The following RPS6KA5 variants were observed in gnomAD, a reference collection of about 807,000 sequenced individuals.
RPS6KA5 encodes the protein ribosomal protein S6 kinase A5.
In RPS6KA5, 27 loss-of-function variants were observed where a neutral mutation model predicts 85.5. The ratio of observed to expected loss-of-function variants is 0.32; its 90% CI spans 0.23 to 0.44. The LOEUF is 0.44. Among genes scored for constraint, RPS6KA5 ranks in the 20% least tolerant of loss-of-function variants. The pLI is 1.00. For missense variants in RPS6KA5, 811 were observed against 980.9 expected (o/e 0.83, Z 2.31); for synonymous variants, 334 against 348.2 (o/e 0.96, Z 0.46).
intron 2 of RPS6KA5, among the ~76,000 whole-genome samples, chr14:90,994,738 A>AC (rs2040447132): frequency 6.7e-6 from 1 of 149,862 alleles, no homozygotes; most frequent in African/African-American, 2.5e-5. Flanking sequence ...TGCCCGGCTA[A>AC]TTTTTTTTTG....
intron 3 of RPS6KA5, among the ~76,000 whole-genome samples, chr14:90,952,814 ATAAC>A (rs2038276657): frequency 6.6e-6 from 1 of 152,254 alleles, no homozygotes; most frequent in Admixed American, 6.5e-5. Context: ...ATCCTTGGAC[ATAAC>A]TAAATTAAAG....
intron 5 of RPS6KA5, among the ~76,000 whole-genome samples, chr14:90,933,916 CTCCT>C (rs1234148314): frequency 1.3e-5 from 2 of 152,186 alleles, no homozygotes; most frequent in African/African-American, 2.4e-5. Flanking sequence ...ACCTAGAAAT[CTCCT>C]TCCTGAGATA....
chr14:90,871,938 T>G lies in RPS6KA5; in HGVS notation c.*136A>C. 1 of 1,167,466 alleles carries G rather than the reference T, an allele frequency of 8.6e-7. No homozygotes were observed. The highest frequency in any genetic ancestry group is 1.2e-6 in the Non-Finnish European group (1 of 826,360). The allele number at this position is 1,167,466 out of a possible 1,614,324, so 72.3% of individuals were successfully genotyped here. ...TTTTGAATGAGGATAACCAAACAGG[T>G]TTTCCTGAAAAAAATCATTAGGAGG... On this transcript the variant is annotated 3_prime_UTR_variant, in exon 17 of 17. Transcript: ENST00000614987.
rs529927870 is a variant in RPS6KA5, at chr14:90,853,723, T to A, written c.*18351A>T. On this transcript the variant is annotated 3_prime_UTR_variant, in exon 17 of 17. Transcript: ENST00000614987. ...AACACTATGAAGTCTCTATATTAAA[T>A]CAAAATCGTAACCATCTTGAAAGCT... is the stretch of plus-strand genomic sequence containing the variant. 1.4e-5 allele frequency: 2 copies of A among 148,142 alleles called. No individual in the cohort carries two copies. The highest frequency in any genetic ancestry group is 4.3e-4 in the South Asian group (2 of 4,654). 9.2% of individuals were successfully genotyped at this position (148,142 alleles called of 1,614,324 possible).
intron 5 of RPS6KA5, among the ~76,000 whole-genome samples, chr14:90,937,232 T>C (rs151038897): frequency 1.1e-4 from 16 of 152,068 alleles, no homozygotes; most frequent in African/African-American, 3.6e-4. Flanking sequence ...AATATGCACG[T>C]CAATGGTAAC....
At chr14:90,896,192 G>C (rs2034825925) in intron 12 of RPS6KA5, among the ~76,000 whole-genome samples, 1 of 152,184 alleles carries the variant, frequency 6.6e-6, no homozygotes, top group Non-Finnish European at 1.5e-5. Context: ...AGATAAAGTT[G>C]AGCTTGCAGG....
intron 3 of RPS6KA5, among the ~76,000 whole-genome samples, chr14:90,951,574 T>C (rs1317756868): frequency 1.3e-5 from 2 of 152,182 alleles, no homozygotes; most frequent in Non-Finnish European, 2.9e-5. Context: ...CTGTGTTAAC[T>C]TACATGCAGT....
At chr14:90,915,889 G>A (rs1024682771) in intron 7 of RPS6KA5, among the ~76,000 whole-genome samples, 4 of 151,766 alleles carry the variant, frequency 2.6e-5, no homozygotes, top group African/African-American at 9.7e-5. Context: ...ACATGTACAT[G>A]TATTTTAAAA....
chr14:90,958,283 A>C (rs2038627259), intron 3 of RPS6KA5, among the ~76,000 whole-genome samples: 2 of 152,230 alleles, frequency 1.3e-5, no homozygotes, highest in Admixed American at 1.3e-4. Flanking sequence ...AAAATTTTGC[A>C]TCCATAGTTC....
intron 1 of RPS6KA5, among the ~76,000 whole-genome samples, chr14:91,007,924 A>G (rs868572516): frequency 1.2e-4 from 19 of 152,320 alleles, no homozygotes; most frequent in Middle Eastern, 3.4e-3. Context: ...CCCAACACTC[A>G]AAGGTAACTA....
chr14:90,930,309 A>C (rs1244909025), intron 5 of RPS6KA5, among the ~76,000 whole-genome samples: 1 of 152,228 alleles, frequency 6.6e-6, no homozygotes, highest in African/African-American at 2.4e-5. Context: ...ATTTCGAATA[A>C]GAAGAGAAAA....
At chr14:90,967,798 C>T (rs979260501) in intron 3 of RPS6KA5, among the ~76,000 whole-genome samples, 1 of 152,196 alleles carries the variant, frequency 6.6e-6, no homozygotes, top group Non-Finnish European at 1.5e-5. Flanking sequence ...AAAAATAACA[C>T]AGAAATCACA....
intron 13 of RPS6KA5, among the ~76,000 whole-genome samples, chr14:90,893,358 G>A (rs1326146855): frequency 6.6e-6 from 1 of 152,182 alleles, no homozygotes; most frequent in African/African-American, 2.4e-5. Context: ...TACTAGTACT[G>A]TGAATAATGG....
chr14:91,060,024 G>A (rs549017272), intron 1 of RPS6KA5: 8 of 985,102 alleles, frequency 8.1e-6, no homozygotes, highest in South Asian at 4.7e-5. Context: ...TCACCTGTGC[G>A]GGAAGGGGGA....
intron 1 of RPS6KA5, among the ~76,000 whole-genome samples, chr14:91,029,107 A>G (rs2042091130): frequency 6.6e-6 from 1 of 152,236 alleles, no homozygotes; most frequent in Non-Finnish European, 1.5e-5. Flanking sequence ...AACATTAAAA[A>G]ATTCAAGGAC....
At position 90,863,302 on chromosome 14, in the gene RPS6KA5, C is replaced by CAAAAAAAAAAAAAAA. The variant is rs61230626; in HGVS notation, c.*8757_*8771dup. 1.4e-3 allele frequency: 34 copies of CAAAAAAAAAAAAAAA among 24,796 alleles called. No individual in the cohort carries two copies. Among genetic ancestry groups the CAAAAAAAAAAAAAAA allele is most frequent in the Non-Finnish European group, 2.4e-3 (27 of 11,456 alleles). The allele number at this position is 24,796 out of a possible 1,614,324, so 1.5% of individuals were successfully genotyped here. ...TGGGTGGCAGAGCGAGACTCCGTCT[C>CAAAAAAAAAAAAAAA]AAAAAAAAAAAAAAAAAAAAAAAAA... On this transcript the variant is annotated 3_prime_UTR_variant, in exon 17 of 17. Transcript: ENST00000614987.
chr14:91,051,207 C>A (rs1018669410), intron 1 of RPS6KA5, among the ~76,000 whole-genome samples: 2 of 151,756 alleles, frequency 1.3e-5, no homozygotes, highest in Admixed American at 1.3e-4. Flanking sequence ...CCATTGCACT[C>A]CAGCCTGAGC....
chr14:91,007,704 A>AT (rs2041082608), intron 1 of RPS6KA5, among the ~76,000 whole-genome samples: 2 of 118,034 alleles, frequency 1.7e-5, no homozygotes, highest in Admixed American at 9.0e-5. Context: ...AATACTTACT[A>AT]TTTTGTTTTT....
chr14:91,058,282 C>T (rs539320266), intron 1 of RPS6KA5, among the ~76,000 whole-genome samples: 4 of 152,314 alleles, frequency 2.6e-5, no homozygotes, highest in Admixed American at 6.5e-5. Flanking sequence ...AGTATAATCT[C>T]ACCATCCATC....
Sources: allele counts gnomAD v4.1 joint callset (sites outside exome capture counted in the v4.1 genomes callset), GRCh38; gene constraint gnomAD v4.1.1; transcripts MANE v1.5; gene names NCBI Gene and HGNC (gene_info 2026-07-23, HGNC 2026-07-21).